Variants in POLA1 observed in about 807,000 individuals in gnomAD.
POLA1 encodes DNA polymerase alpha 1, catalytic subunit, also known as DNA polymerase alpha catalytic subunit.
In POLA1, 15 loss-of-function variants were observed where a neutral mutation model predicts 124.0. The observed-to-expected ratio is 0.12, with a 90% CI of 0.08 to 0.19. POLA1 has a LOEUF of 0.19. POLA1 is among the 10% of genes least tolerant of loss of function. The probability of loss-of-function intolerance (pLI) is 1.00; values close to 1 mark genes in which losing one functional copy is unlikely to be tolerated. For synonymous variants in POLA1, 408 were observed against 389.4 expected (o/e 1.05, Z -0.56); for missense variants, 886 against 1,103.4 (o/e 0.80, Z 2.79).
intron 35 of POLA1, among the ~76,000 whole-genome samples, chrX:24,905,627 A>G (rs1022498781): frequency 3.3e-5 from 3 of 89,933 alleles, no homozygotes; most frequent in East Asian, 4.0e-4. Context: ...AAGTGGCGCA[A>G]TCTCCACTTA....
At chrX:24,964,737 T>G (rs1387793673) in intron 36 of POLA1, among the ~76,000 whole-genome samples, 1 of 112,423 alleles carries the variant, frequency 8.9e-6, no homozygotes, top group Admixed American at 9.4e-5. Flanking sequence ...AATTAATATA[T>G]CAATAAAAGA....
chrX:24,966,190 T>A lies in POLA1; in HGVS notation c.4262-29615T>A, dbSNP rs184214940. ...CTTCAAGTTTTTGAAAACATTTTGG[T>A]TCTACATATTAGACTTTAACTCTTG... On this transcript the variant is annotated intron_variant, in intron 36 of 36. Transcript: ENST00000379068. Among the ~76,000 whole-genome samples, 957 of 112,428 alleles carry A rather than the reference T, an allele frequency of 8.5e-3. 4 individuals are homozygous for A. The highest frequency in any genetic ancestry group is 0.012 in the Non-Finnish European group (617 of 53,285).
chrX:24,824,375 C>T (rs957235228), intron 31 of POLA1, among the ~76,000 whole-genome samples: 5 of 109,321 alleles, frequency 4.6e-5, no homozygotes, highest in Non-Finnish European at 9.5e-5. Context: ...TAACTGCAGC[C>T]TTTATCTCCC....
intron 26 of POLA1, among the ~76,000 whole-genome samples, chrX:24,783,793 A>G (rs1293589339): frequency 8.9e-6 from 1 of 111,747 alleles, no homozygotes; most frequent in Non-Finnish European, 1.9e-5. Flanking sequence ...CCAGTATGGT[A>G]GCCACTAGCC....
chrX:24,976,936 G>A (rs1200905318), intron 36 of POLA1, among the ~76,000 whole-genome samples: 5 of 111,993 alleles, frequency 4.5e-5, no homozygotes, highest in Admixed American at 3.8e-4. Flanking sequence ...GCATGATTCC[G>A]GCAGACTGAT....
intron 4 of POLA1, among the ~76,000 whole-genome samples, chrX:24,709,047 C>G (rs1336309723): frequency 1.1e-5 from 1 of 88,257 alleles, no homozygotes; most frequent in Non-Finnish European, 2.4e-5. Context: ...CCAGACGGGG[C>G]GGCTGGCCGG....
chrX:24,968,994 G>T (rs370209061), intron 36 of POLA1, among the ~76,000 whole-genome samples: 22 of 111,215 alleles, frequency 2.0e-4, no homozygotes, highest in African/African-American at 7.2e-4. Context: ...ATATCACGAG[G>T]TCAGGAGTTC....
chrX:24,977,613 C>T (rs1242915059), intron 36 of POLA1, among the ~76,000 whole-genome samples: 2 of 111,904 alleles, frequency 1.8e-5, no homozygotes, highest in Non-Finnish European at 1.9e-5. Flanking sequence ...GGGAAGTTTT[C>T]TTGAATTTCT....
At chrX:24,786,277 C>T (rs1434041594) in intron 26 of POLA1, among the ~76,000 whole-genome samples, 1 of 111,897 alleles carries the variant, frequency 8.9e-6, no homozygotes, top group Non-Finnish European at 1.9e-5. Flanking sequence ...TCCCAGTTTA[C>T]ATTGCCACCA....
At chrX:24,695,389 TAGC>T (rs1927915184) in intron 1 of POLA1, among the ~76,000 whole-genome samples, 1 of 111,409 alleles carries the variant, frequency 9.0e-6, no homozygotes, top group Admixed American at 9.6e-5. Context: ...TCTTCAGTAT[TAGC>T]AGGCAGGGCA....
chrX:24,750,995 T>G (rs1932291886), intron 26 of POLA1, among the ~76,000 whole-genome samples: 1 of 112,270 alleles, frequency 8.9e-6, no homozygotes, highest in African/African-American at 3.2e-5. Flanking sequence ...TTTTATTTCT[T>G]TACAAGTATC....
Position 24,748,383 on chromosome X carries a change from C to T in POLA1, c.2764C>T (p.Arg922Trp), listed in dbSNP as rs149469482. Residue 922 changes from arginine to tryptophan, a missense_variant, in exon 25 of 37, where the codon CGG (arginine) becomes TGG (tryptophan). Coordinates refer to ENST00000379068, the MANE Select transcript of POLA1 (RefSeq NM_001330360.2). ...LEMGILPREIRKLVERRKQVK... is the reference protein window; with the variant it reads ...LEMGILPREIWKLVERRKQVK... ...AATGGGCATTTTGCCCAGAGAGATC[C>T]GGAAACTGGTAGAACGGAGAAAACA... 5.9e-6 allele frequency: 7 copies of T among 1,196,010 alleles called. No homozygotes were observed. The highest frequency in any genetic ancestry group is 3.5e-5 in the African/African-American group (2 of 57,068).
chrX:24,724,209 ACTG>A, intron 11 of POLA1, 123 bp from the exon 12 acceptor site: 1 of 418,057 alleles, frequency 2.4e-6, no homozygotes, highest in Non-Finnish European at 4.2e-6. Flanking sequence ...TATCTGTAAG[ACTG>A]CTATTAAATG....
chrX:24,773,084 G>A (rs1036350625), intron 26 of POLA1, among the ~76,000 whole-genome samples: 1 of 112,023 alleles, frequency 8.9e-6, no homozygotes, highest in African/African-American at 3.2e-5. Context: ...GAAAAAACAG[G>A]ATTGACCAAT....
intron 10 of POLA1, among the ~76,000 whole-genome samples, chrX:24,719,676 T>C (rs760470713): frequency 3.3e-4 from 37 of 111,675 alleles, no homozygotes; most frequent in African/African-American, 1.1e-3. Flanking sequence ...GCTATCCCAG[T>C]ATTACTCCCC....
chrX:24,785,542 A>G (rs1024928348), intron 26 of POLA1, among the ~76,000 whole-genome samples: 2 of 112,527 alleles, frequency 1.8e-5, no homozygotes, highest in African/African-American at 3.2e-5. Context: ...AAGTACCACA[A>G]ATACTGGCAG....
At chrX:24,928,342 G>A (rs960038405) in intron 35 of POLA1, among the ~76,000 whole-genome samples, 3 of 111,721 alleles carry the variant, frequency 2.7e-5, no homozygotes, top group Non-Finnish European at 5.6e-5. Flanking sequence ...TCCATTACTA[G>A]CAACACAGCA....
At position 24,745,515 on chromosome X, in the gene POLA1, T is replaced by C; in HGVS notation, c.2664T>C (p.Val888=). The change falls in exon 24 of 37, where the codon GTT becomes GTC. Residue 888 remains valine (V), a synonymous_variant. Transcript: ENST00000379068. ...TTTGTTTTACAACAGTACAAAGAGTTGCTTCAGAGGCACAGAAAGTTACAG... is the reference window on the plus strand; with the variant it reads ...TTTGTTTTACAACAGTACAAAGAGTCGCTTCAGAGGCACAGAAAGTTACAG... ...FNICFTTVQR[V]ASEAQKVTED... is the part of the protein sequence containing the mutation. 8.6e-7 allele frequency: 1 copy of C among 1,168,940 alleles called. No individual in the cohort carries two copies. Among genetic ancestry groups the C allele is most frequent in the East Asian group, 3.0e-5 (1 of 33,591 alleles).
chrX:24,872,054 C>T (rs898778003), intron 34 of POLA1, among the ~76,000 whole-genome samples: 6 of 111,048 alleles, frequency 5.4e-5, no homozygotes, highest in Non-Finnish European at 7.5e-5. Flanking sequence ...AGAGGCAGCC[C>T]GGTGGAAATG....
Sources: allele counts gnomAD v4.1 joint callset (sites outside exome capture counted in the v4.1 genomes callset), GRCh38; gene constraint gnomAD v4.1.1; transcripts MANE v1.5; gene names NCBI Gene and HGNC (gene_info 2026-07-23, HGNC 2026-07-21).